EFHC1: variants seen among roughly 807,000 people sequenced by gnomAD.
EFHC1 encodes the protein EF-hand domain containing 1.
Under a neutral mutation model 69.9 loss-of-function variants are expected in EFHC1, and 53 were observed. The ratio of observed to expected loss-of-function variants is 0.76; its 90% CI spans 0.61 to 0.95. The LOEUF (loss-of-function observed/expected upper bound fraction) is 0.95. EFHC1 is among the 40% of genes least tolerant of loss of function. The pLI, the probability that EFHC1 is intolerant of heterozygous loss-of-function variation, is 0.00. For synonymous variants in EFHC1, 256 were observed against 278.4 expected (o/e 0.92, Z 0.80); for missense variants, 739 against 798.7 (o/e 0.93, Z 0.90).
chr6:52,436,209 T>C (rs1021367244), intron 2 of EFHC1, among the ~76,000 whole-genome samples: 1 of 152,236 alleles, frequency 6.6e-6, no homozygotes, highest in African/African-American at 2.4e-5. Context: ...TGTCCTTTGC[T>C]TTTACCATGT....
chr6:52,468,222 C>T (rs551570711), intron 6 of EFHC1, among the ~76,000 whole-genome samples: 47 of 152,320 alleles, frequency 3.1e-4, no homozygotes, highest in East Asian at 3.9e-4. Context: ...TCTAAGGGTA[C>T]TACTAGCTTG....
chr6:52,423,499 C>T, intron 1 of EFHC1, among the ~76,000 whole-genome samples: 1 of 151,664 alleles, frequency 6.6e-6, no homozygotes, highest in African/African-American at 2.4e-5. Flanking sequence ...TGTAGGTAAG[C>T]TTTTGTTTTG....
At chr6:52,453,943 G>C (rs751583367) in intron 4 of EFHC1, 152 bp from the exon 5 acceptor site, 78 of 1,513,148 alleles carry the variant, frequency 5.2e-5, no homozygotes, top group Non-Finnish European at 1.5e-5. Flanking sequence ...TATGTTTGAT[G>C]AATATTTCTT....
At chr6:52,457,670 G>T (rs768674831) in intron 5 of EFHC1, among the ~76,000 whole-genome samples, 6 of 152,130 alleles carry the variant, frequency 3.9e-5, no homozygotes, top group African/African-American at 1.4e-4. Flanking sequence ...ATCAAAACAG[G>T]ACATCTTTTG....
rs1442053024 is a variant in EFHC1, at chr6:52,496,589, A to G, written c.*4248A>G. The stretch of plus-strand genomic sequence containing the variant: ...CACATAAGTTCATTTTAAAAAGCCA[A>G]TATGAGTGCTTTATATGTACCATGA... On this transcript the variant is annotated 3_prime_UTR_variant, in exon 11 of 11. Coordinates refer to ENST00000371068, the MANE Select transcript of EFHC1 (RefSeq NM_018100.4). The G allele has an allele frequency of 2.6e-5, 4 of 152,210 alleles. No individual in the cohort carries two copies. The highest frequency in any genetic ancestry group is 5.9e-5 in the Non-Finnish European group (4 of 68,030). 9.4% of individuals were successfully genotyped at this position (152,210 alleles called of 1,614,324 possible).
intron 4 of EFHC1, chr6:52,453,779 G>T (rs1028116445): frequency 7.9e-7 from 1 of 1,272,880 alleles, no homozygotes; most frequent in Non-Finnish European, 1.0e-6. Flanking sequence ...ATACCACTAT[G>T]TAAAGAACTT....
At chr6:52,425,447 A>T (rs1235200333) in intron 2 of EFHC1, among the ~76,000 whole-genome samples, 1 of 152,180 alleles carries the variant, frequency 6.6e-6, no homozygotes, top group Admixed American at 6.5e-5. Context: ...TGATAAAGTG[A>T]TATATGTCGT....
chr6:52,435,402 T>A (rs1367014351), intron 2 of EFHC1, among the ~76,000 whole-genome samples: 1 of 152,196 alleles, frequency 6.6e-6, no homozygotes, highest in Non-Finnish European at 1.5e-5. Flanking sequence ...GCAGTATAAA[T>A]TACCCCCTGC....
rs982411561 is a variant in EFHC1 at position 52,423,766 on chromosome 6, A to T, written c.64-180A>T. ...AGTGATTCTCCCTCTTCAGCCTCCC[A>T]GAGTTCTGGGATTATAGGCACGAGC... is the stretch of plus-strand genomic sequence containing the variant. On this transcript the variant is annotated intron_variant, in intron 1 of 10. Coordinates refer to ENST00000371068, the MANE Select transcript of EFHC1 (RefSeq NM_018100.4). 6 of 1,485,624 alleles carry T rather than the reference A, an allele frequency of 4.0e-6. 1 individual carries two copies. The South Asian group carries it at 7.5e-5, about 18-fold the overall frequency. 92.0% of individuals were successfully genotyped at this position (1,485,624 alleles called of 1,614,324 possible). A position where few individuals can be genotyped will look rare whatever the true frequency, so the allele number is the denominator to read the frequency against.
chr6:52,444,868 T>G (rs1764745037), intron 3 of EFHC1, among the ~76,000 whole-genome samples: 1 of 152,144 alleles, frequency 6.6e-6, no homozygotes, highest in African/African-American at 2.4e-5. Flanking sequence ...AGAATGGTAC[T>G]AGCTCCTCTT....
intron 2 of EFHC1, among the ~76,000 whole-genome samples, chr6:52,438,009 A>T (rs919985939): frequency 6.6e-6 from 1 of 152,160 alleles, no homozygotes; most frequent in African/African-American, 2.4e-5. Flanking sequence ...GAAAATTTAA[A>T]TTTTTATAAT....
At chr6:52,454,462 C>T (rs1454337188) in intron 5 of EFHC1, among the ~76,000 whole-genome samples, 175 bp downstream of exon 5, 2 of 152,086 alleles carry the variant, frequency 1.3e-5, no homozygotes, top group African/African-American at 4.8e-5. Context: ...TCGGTCCAGG[C>T]GTGCCCCCAA....
rs773378236 is a variant in EFHC1 at position 52,436,902 on chromosome 6, G to A, written c.286-1402G>A. Among the ~76,000 whole-genome samples, 7 of 152,136 alleles carry A rather than the reference G, an allele frequency of 4.6e-5. No individual in the cohort carries two copies. In the East Asian group the frequency reaches 5.8e-4, roughly 13 times the overall value. ...GGTGATCTGCCTGCCTTGGCCTCCC[G>A]GTGTGCTGGGATTACAGGCGTAAGC... On this transcript the variant is annotated intron_variant, in intron 2 of 10. Coordinates refer to ENST00000371068, the MANE Select transcript of EFHC1 (RefSeq NM_018100.4).
At chr6:52,475,202 A>C (rs940314906) in intron 7 of EFHC1, among the ~76,000 whole-genome samples, 3 of 152,192 alleles carry the variant, frequency 2.0e-5, no homozygotes, top group African/African-American at 7.2e-5. Context: ...TGTATTCATT[A>C]GACTCATCAC....
At chr6:52,456,099 A>G (rs895505966) in intron 5 of EFHC1, among the ~76,000 whole-genome samples, 1 of 152,122 alleles carries the variant, frequency 6.6e-6, no homozygotes, top group Non-Finnish European at 1.5e-5. Flanking sequence ...AAAAGGATAA[A>G]AGGGAGTGAA....
At position 52,454,267 on chromosome 6, in the gene EFHC1, A is replaced by T. The variant is rs138973203; in HGVS notation, c.896A>T (p.Lys299Ile). 9 of 1,614,024 alleles carry T rather than the reference A, an allele frequency of 5.6e-6. No individual in the cohort carries two copies. In the African/African-American group the frequency reaches 9.3e-5, roughly 17 times the overall value. ...CTAATGAACCGCCAGCGTGTGCCCA[A>T]AGTTTTGGTGGAAAATGCAAGTATG... ...PLLMNRQRVPKVLVENAKNFP... is the reference protein window; with the variant it reads ...PLLMNRQRVPIVLVENAKNFP... Residue 299 changes from lysine (K) to isoleucine (I), a missense_variant, in exon 5 of 11, where the codon AAA (lysine) becomes ATA (isoleucine). Physicochemically the swap from Lys to Ile is moderately radical, Grantham distance 102. Coordinates refer to ENST00000371068, the MANE Select transcript of EFHC1 (RefSeq NM_018100.4).
Position 52,490,320 on chromosome 6 carries a change from C to T in EFHC1, c.1821C>T (p.Asn607=), listed in dbSNP as rs777238548. 58 of 1,614,016 alleles carry T rather than the reference C, an allele frequency of 3.6e-5. No homozygotes were observed. The Admixed American group carries it at 7.2e-4, about 20-fold the overall frequency. ...TCTTTAAAATCTGTGAATCGCTTAA[C>T]GTCCCAGTGGATGACTCCTTGGTTA... is the stretch of plus-strand genomic sequence containing the variant. ...DMFFKICESL[N]VPVDDSLVKE... is the part of the protein sequence containing the mutation. The change falls in exon 10 of 11, where the codon AAC becomes AAT. Residue 607 remains asparagine, a synonymous_variant. Coordinates refer to ENST00000371068, the MANE Select transcript of EFHC1 (RefSeq NM_018100.4).
chr6:52,460,396 A>G (rs1379472913), intron 5 of EFHC1, among the ~76,000 whole-genome samples: 1 of 152,200 alleles, frequency 6.6e-6, no homozygotes, highest in East Asian at 1.9e-4. Flanking sequence ...ATAAAAGGTC[A>G]TGAGGAGACT....
At chr6:52,452,662 A>T in intron 3 of EFHC1, 26 bp from the exon 4 acceptor site, 1 of 1,613,018 alleles carries the variant, frequency 6.2e-7, no homozygotes, top group Non-Finnish European at 8.5e-7. Flanking sequence ...AAGAAAGATG[A>T]TCATTGTTAA....
Sources: gnomAD v4.1 joint callset for allele counts (sites outside exome capture counted in the v4.1 genomes callset) on GRCh38, gnomAD v4.1.1 for gene constraint, MANE v1.5 for transcripts, NCBI Gene and HGNC (gene_info 2026-07-23, HGNC 2026-07-21) for gene names.